PCDHA10: variants seen among roughly 807,000 people sequenced by gnomAD.
PCDHA10 encodes the protein protocadherin alpha 10.
Under a neutral mutation model 61.2 loss-of-function variants are expected in PCDHA10, and 45 were observed. The observed-to-expected ratio is 0.74, with a 90% CI of 0.58 to 0.94. PCDHA10 has a LOEUF of 0.94. PCDHA10 is among the 40% of genes least tolerant of loss of function. The pLI, the probability that PCDHA10 is intolerant of heterozygous loss-of-function variation, is 0.00. For synonymous variants in PCDHA10, 602 were observed against 548.8 expected (o/e 1.10, Z -1.35); for missense variants, 1,278 against 1,236.2 (o/e 1.03, Z -0.51).
At chr5:140,893,881 C>T (rs1385683702) in intron 1 of PCDHA10, among the ~76,000 whole-genome samples, 1 of 152,066 alleles carries the variant, frequency 6.6e-6, no homozygotes, top group Non-Finnish European at 1.5e-5. Flanking sequence ...TCCAAAGTGG[C>T]CAGAAAGTTA....
intron 1 of PCDHA10, among the ~76,000 whole-genome samples, chr5:140,917,329 G>C (rs543216216): frequency 3.5e-5 from 5 of 143,930 alleles, no homozygotes; most frequent in South Asian, 2.2e-4. Flanking sequence ...TGTGGCGGGG[G>C]AGGGGGGGGA....
rs77308266 is a variant in PCDHA10 at position 140,916,313 on chromosome 5, A to C, written c.2388+57877A>C. On this transcript the variant is annotated intron_variant, in intron 1 of 3. Transcript: ENST00000307360. ...GCCAAACTGGTACCAAAGGTGCAAG[A>C]CAAAGTCCCCTTTACTTTTTCCTCT... Among the ~76,000 whole-genome samples the C allele has an allele frequency of 8.0e-3, 1,216 of 152,336 alleles. 6 individuals are homozygous for C. The highest frequency in any genetic ancestry group is 0.019 in the African/African-American group (784 of 41,584).
intron 1 of PCDHA10, chr5:140,927,217 A>C: frequency 6.2e-7 from 1 of 1,614,082 alleles, no homozygotes; most frequent in Non-Finnish European, 8.5e-7. Context: ...GGAGCTGCAC[A>C]AGATTCGGAT....
intron 1 of PCDHA10, among the ~76,000 whole-genome samples, chr5:140,940,745 T>C (rs1554213585): frequency 6.6e-6 from 1 of 152,260 alleles, no homozygotes; most frequent in Non-Finnish European, 1.5e-5. Flanking sequence ...CATATTTTTA[T>C]GTGTGCCAAC....
rs572273107 is a variant in PCDHA10, at chr5:140,941,410, G to A, written c.2389-37539G>A. 1.3e-4 allele frequency among the ~76,000 whole-genome samples: 19 copies of A among 147,656 alleles called. 1 individual carries two copies. In the South Asian group the frequency reaches 3.3e-3, roughly 26 times the overall value. ...TGGCTCACTGCAACCTCCGCCTCCC[G>A]GGTTCAAGCAATTCTCTGCCTCAGC... On this transcript the variant is annotated intron_variant, in intron 1 of 3. Transcript: ENST00000307360.
intron 3 of PCDHA10, among the ~76,000 whole-genome samples, chr5:141,005,586 C>T (rs1428172819): frequency 6.6e-6 from 1 of 150,712 alleles, no homozygotes; most frequent in Non-Finnish European, 1.5e-5. Flanking sequence ...CCTGTAGTCC[C>T]AGCTACACAG....
chr5:140,964,585 T>C (rs1275209289), intron 1 of PCDHA10, among the ~76,000 whole-genome samples: 1 of 151,992 alleles, frequency 6.6e-6, no homozygotes, highest in Non-Finnish European at 1.5e-5. Flanking sequence ...GGAGGAAAGA[T>C]CACTTTTCAT....
At chr5:140,929,148 G>A in intron 1 of PCDHA10, 1 of 1,614,190 alleles carries the variant, frequency 6.2e-7, no homozygotes, top group Middle Eastern at 1.6e-4. Flanking sequence ...GACTTTCTCA[G>A]ACTTATCTCT....
At chr5:140,971,918 G>A (rs1297848346) in intron 1 of PCDHA10, among the ~76,000 whole-genome samples, 1 of 152,082 alleles carries the variant, frequency 6.6e-6, no homozygotes, top group Non-Finnish European at 1.5e-5. Context: ...CAGCCACACT[G>A]CTAGTGTTAT....
chr5:141,000,223 G>C (rs1190945878), intron 3 of PCDHA10, among the ~76,000 whole-genome samples: 1 of 151,642 alleles, frequency 6.6e-6, no homozygotes, highest in African/African-American at 2.4e-5. Context: ...AAATGCCTGT[G>C]TGGAGCTGAA....
intron 3 of PCDHA10, among the ~76,000 whole-genome samples, chr5:140,993,754 A>T (rs1253767297): frequency 6.6e-6 from 1 of 152,170 alleles, no homozygotes; most frequent in African/African-American, 2.4e-5. Context: ...ACTTGCCATT[A>T]TATTACAATT....
rs201435940 is a variant in PCDHA10, at chr5:140,871,358, A to G, written c.2388+12922A>G. On this transcript the variant is annotated intron_variant, in intron 1 of 3. Transcript: ENST00000307360. The stretch of plus-strand genomic sequence containing the variant: ...GTGGGGAGCTGGTCATACTCGCAGC[A>G]GAGGCGGCAGAGGGTGTGCTCTGAG... 13 of 1,614,208 alleles carry G rather than the reference A, an allele frequency of 8.1e-6. No homozygotes were observed. In the East Asian group the frequency reaches 2.9e-4, roughly 36 times the overall value.
chr5:140,921,925 G>A (rs895157006), intron 1 of PCDHA10, among the ~76,000 whole-genome samples: 2 of 151,816 alleles, frequency 1.3e-5, no homozygotes, highest in African/African-American at 4.8e-5. Flanking sequence ...AAAACTTATA[G>A]TCAATATAAT....
intron 1 of PCDHA10, chr5:140,966,657 G>A: frequency 1.7e-6 from 2 of 1,210,192 alleles, no homozygotes; most frequent in Admixed American, 3.9e-5. Context: ...TGAGCGGTGG[G>A]GGAGCAGGCG....
Position 140,861,540 on chromosome 5 carries a change from C to T in PCDHA10, c.2388+3104C>T, listed in dbSNP as rs78647999. On this transcript the variant is annotated intron_variant, in intron 1 of 3. Coordinates refer to ENST00000307360, the MANE Select transcript of PCDHA10 (RefSeq NM_018901.4). ...TGGGAGGATCTCGGAGTGCAGCATC[C>T]ACCTGGAAGTGATCGTGGACAAGCT... is the stretch of plus-strand genomic sequence containing the variant. 502 of 425,826 alleles carry T rather than the reference C, an allele frequency of 1.2e-3. 2 individuals are homozygous for T. The highest frequency in any genetic ancestry group is 9.5e-3 in the African/African-American group (465 of 48,884). 26.4% of individuals were successfully genotyped at this position (425,826 alleles called of 1,614,324 possible).
chr5:140,869,264 T>C (rs782308224), intron 1 of PCDHA10: 1 of 1,613,438 alleles, frequency 6.2e-7, no homozygotes, highest in South Asian at 1.1e-5. Context: ...GACCTGGGGC[T>C]GGAGCTGGCG....
At chr5:140,984,597 T>TA (rs1554246418) in intron 3 of PCDHA10, among the ~76,000 whole-genome samples, 1 of 152,182 alleles carries the variant, frequency 6.6e-6, no homozygotes, top group East Asian at 1.9e-4. Flanking sequence ...TTTCAATACA[T>TA]ACCTCTGCAT....
At chr5:140,883,913 G>T (rs782585121) in intron 1 of PCDHA10, 1 of 1,613,478 alleles carries the variant, frequency 6.2e-7, no homozygotes, top group South Asian at 1.1e-5. Context: ...GGGCAGCAAC[G>T]TGACGCTGCA....
At chr5:140,932,688 TA>T (rs1214634464) in intron 1 of PCDHA10, among the ~76,000 whole-genome samples, 4 of 151,810 alleles carry the variant, frequency 2.6e-5, no homozygotes, top group African/African-American at 9.7e-5. Flanking sequence ...ATATTCAAAT[TA>T]AAAAACTCAT....
Sources: allele counts gnomAD v4.1 joint callset (sites outside exome capture counted in the v4.1 genomes callset), GRCh38; gene constraint gnomAD v4.1.1; transcripts MANE v1.5; gene names NCBI Gene and HGNC (gene_info 2026-07-23, HGNC 2026-07-21).